ZCCHC10: variants seen among roughly 807,000 people sequenced by gnomAD.
ZCCHC10 encodes zinc finger CCHC-type containing 10, also known as zinc finger CCHC domain-containing protein 10.
A neutral mutation model predicts 19.5 loss-of-function variants in ZCCHC10; 16 were observed. The ratio of observed to expected loss-of-function variants is 0.82; its 90% CI spans 0.56 to 1.25. The LOEUF (loss-of-function observed/expected upper bound fraction) is 1.25, where lower values mean the gene tolerates loss of function less well. Ranked by LOEUF, ZCCHC10 falls within the 50% of genes most tolerant of loss-of-function variation. The pLI, the probability that ZCCHC10 is intolerant of heterozygous loss-of-function variation, is 0.00. For missense variants in ZCCHC10, 197 were observed against 201.0 expected (o/e 0.98, Z 0.12); for synonymous variants, 67 against 72.5 (o/e 0.92, Z 0.38).
At chr5:133,007,720 C>A (rs1763217903) in intron 2 of ZCCHC10, among the ~76,000 whole-genome samples, 1 of 151,992 alleles carries the variant, frequency 6.6e-6, no homozygotes, top group African/African-American at 2.4e-5. Context: ...TGTAAATTGC[C>A]CAGTCTTGGG....
rs1035466376 is a variant in ZCCHC10, at chr5:132,998,649, A to G, written c.513T>C (p.Ser171=). 1 of 1,614,132 alleles carries G rather than the reference A, an allele frequency of 6.2e-7. No homozygotes were observed. The change falls in exon 5 of 5, where the codon AGT becomes AGC. Residue 171 remains serine (S), a synonymous_variant. Transcript: ENST00000509437. Reference sequence around the variant, plus strand: ...TGCTATCTGTGCTGGTGCTACTGCTACTGGAAGAGCTGGAATCTGAGTCTG... The same window carrying G: ...TGCTATCTGTGCTGGTGCTACTGCTGCTGGAAGAGCTGGAATCTGAGTCTG... ...SDSDSDSSSS[S]SSSTSTDSSS...
chr5:133,007,489 G>A (rs963444993), intron 2 of ZCCHC10, among the ~76,000 whole-genome samples: 1 of 151,338 alleles, frequency 6.6e-6, no homozygotes, highest in Admixed American at 6.6e-5. Flanking sequence ...CTTGCAGTGA[G>A]CCAAGGTTGC....
chr5:133,016,974 G>A lies in ZCCHC10; in HGVS notation c.107+5867C>T, dbSNP rs558840964. Among the ~76,000 whole-genome samples the A allele has an allele frequency of 8.7e-4, 131 of 150,558 alleles. 1 individual carries two copies. Among genetic ancestry groups the A allele is most frequent in the African/African-American group, 2.8e-3 (115 of 40,840 alleles). The stretch of plus-strand genomic sequence containing the variant: ...ACATTTCTCTTTATACACAGGCTCT[G>A]GTACCCTATACCAAATTATACCTAC... On this transcript the variant is annotated intron_variant, in intron 2 of 4. Transcript: ENST00000509437.
chr5:133,017,203 C>G (rs1581420011), intron 2 of ZCCHC10, among the ~76,000 whole-genome samples: 1 of 152,134 alleles, frequency 6.6e-6, no homozygotes, highest in African/African-American at 2.4e-5. Flanking sequence ...CAAGCCAGTT[C>G]AAGCTCCTCT....
chr5:133,022,647 T>G (rs1340746020), intron 2 of ZCCHC10, among the ~76,000 whole-genome samples, 194 bp downstream of exon 2: 1 of 151,994 alleles, frequency 6.6e-6, no homozygotes, highest in African/African-American at 2.4e-5. Flanking sequence ...GAGATGGGGT[T>G]TCAACATGTT....
chr5:133,004,783 C>T (rs928338300), intron 3 of ZCCHC10, among the ~76,000 whole-genome samples: 1 of 152,044 alleles, frequency 6.6e-6, no homozygotes, highest in African/African-American at 2.4e-5. Context: ...AGCCACCGTG[C>T]CCGGCTTAAT....
Position 133,006,796 on chromosome 5 carries a change from A to G in ZCCHC10, c.232T>C (p.Leu78=), listed in dbSNP as rs1561538592. Residue 78 remains leucine, a synonymous_variant, in exon 3 of 5, where the codon TTA becomes CTA. Coordinates refer to ENST00000509437, the MANE Select transcript of ZCCHC10 (RefSeq NM_001300816.3). ...PSRTAELKKA[L]KEKENRLLLQ... is the part of the protein sequence containing the mutation. ...AATAATCTGTTTTCTTTTTCTTTTAAAGCTTTCTTTAGTTCTGCTGTCCTT... is the reference window on the plus strand; with the variant it reads ...AATAATCTGTTTTCTTTTTCTTTTAGAGCTTTCTTTAGTTCTGCTGTCCTT... 6.2e-7 allele frequency: 1 copy of G among 1,607,266 alleles called. No homozygotes were observed.
rs1395214984 is a variant in ZCCHC10 at position 132,998,141 on chromosome 5, A to T, written c.*442T>A. 1 of 156,884 alleles carries T rather than the reference A, an allele frequency of 6.4e-6. No homozygotes were observed. Among genetic ancestry groups the T allele is most frequent in the Non-Finnish European group, 1.4e-5 (1 of 70,770 alleles). The allele number at this position is 156,884 out of a possible 1,614,324, so 9.7% of individuals were successfully genotyped here. A position where few individuals can be genotyped will look rare whatever the true frequency, so the allele number is the denominator to read the frequency against. ...AGAGCACATTTATTAATAGTAGGAA[A>T]ACTCCTAAGCTTACAGTAACAACAT... On this transcript the variant is annotated 3_prime_UTR_variant, in exon 5 of 5. Coordinates refer to ENST00000509437, the MANE Select transcript of ZCCHC10 (RefSeq NM_001300816.3).
intron 3 of ZCCHC10, among the ~76,000 whole-genome samples, chr5:133,004,012 G>A (rs746856131): frequency 6.6e-6 from 1 of 151,946 alleles, no homozygotes; most frequent in Non-Finnish European, 1.5e-5. Context: ...GCCCAGTCCG[G>A]AAATGCATTT....
At chr5:133,010,512 T>G (rs944241050) in intron 2 of ZCCHC10, among the ~76,000 whole-genome samples, 16 of 152,160 alleles carry the variant, frequency 1.1e-4, no homozygotes, top group African/African-American at 3.9e-4. Context: ...AACAACATTC[T>G]TAGCTTATGA....
At chr5:133,021,966 T>C (rs1764343238) in intron 2 of ZCCHC10, among the ~76,000 whole-genome samples, 2 of 152,042 alleles carry the variant, frequency 1.3e-5, no homozygotes, top group Non-Finnish European at 2.9e-5. Context: ...GCTAATTTTT[T>C]GTATTTTTAG....
chr5:133,012,474 A>G (rs1023787230), intron 2 of ZCCHC10, among the ~76,000 whole-genome samples: 8 of 151,848 alleles, frequency 5.3e-5, no homozygotes, highest in Non-Finnish European at 7.4e-5. Flanking sequence ...TCTCAAAGAA[A>G]AAAAAAAAGT....
intron 1 of ZCCHC10, among the ~76,000 whole-genome samples, chr5:133,025,503 C>CAAAAAAAAAA (rs74843776): frequency 4.8e-4 from 9 of 18,684 alleles, no homozygotes; most frequent in African/African-American, 9.8e-4. Context: ...GACTCCGCCT[C>CAAAAAAAAAA]AAAAAAAAAA....
intron 2 of ZCCHC10, among the ~76,000 whole-genome samples, chr5:133,017,164 T>A (rs1433124533): frequency 1.3e-5 from 2 of 152,238 alleles, no homozygotes; most frequent in Non-Finnish European, 2.9e-5. Context: ...TCCCCACTAC[T>A]GGATGACCTC....
At chr5:133,021,537 C>T (rs1266324192) in intron 2 of ZCCHC10, among the ~76,000 whole-genome samples, 2 of 152,152 alleles carry the variant, frequency 1.3e-5, no homozygotes, top group African/African-American at 2.4e-5. Context: ...ACACTCAATG[C>T]AATCCCAGCT....
chr5:133,021,872 C>A (rs1226164802), intron 2 of ZCCHC10, among the ~76,000 whole-genome samples: 1 of 151,648 alleles, frequency 6.6e-6, no homozygotes, highest in Non-Finnish European at 1.5e-5. Flanking sequence ...CGGCTCACTG[C>A]AACCTCCGCC....
At chr5:133,004,862 T>C (rs1179007240) in intron 3 of ZCCHC10, among the ~76,000 whole-genome samples, 12 of 152,198 alleles carry the variant, frequency 7.9e-5, no homozygotes, top group Admixed American at 7.2e-4. Flanking sequence ...GGAAAGACTT[T>C]TGTTATTTCC....
chr5:133,012,206 G>T (rs988866762), intron 2 of ZCCHC10, among the ~76,000 whole-genome samples: 1 of 150,080 alleles, frequency 6.7e-6, no homozygotes. Context: ...AGTGGCTCAC[G>T]CCTGTAATCC....
chr5:133,011,624 T>TGA (rs1446567426), intron 2 of ZCCHC10, among the ~76,000 whole-genome samples: 1 of 44,810 alleles, frequency 2.2e-5, no homozygotes, highest in East Asian at 6.4e-4. Flanking sequence ...AGACTCCATC[T>TGA]AAAAAAAAAA....
Sources: gnomAD v4.1 joint callset for allele counts (sites outside exome capture counted in the v4.1 genomes callset) on GRCh38, gnomAD v4.1.1 for gene constraint, MANE v1.5 for transcripts, NCBI Gene and HGNC (gene_info 2026-07-23, HGNC 2026-07-21) for gene names.